BICD2: variants seen among roughly 807,000 people sequenced by gnomAD.
BICD2 encodes the protein BICD cargo adaptor 2.
In BICD2, 25 loss-of-function variants were observed where a neutral mutation model predicts 72.9. That is an observed-to-expected ratio of 0.34 (90% CI 0.25 to 0.48). The LOEUF is 0.48. Ranked by LOEUF, BICD2 falls within the 20% of genes least tolerant of loss-of-function variation. BICD2 has a pLI of 0.99. For synonymous variants in BICD2, 501 were observed against 516.1 expected, an observed-to-expected ratio of 0.97 and a Z score of 0.40; for missense variants, 894 against 1,175.2, an observed-to-expected ratio of 0.76 and a Z score of 3.50.
intron 1 of BICD2, among the ~76,000 whole-genome samples, chr9:92,756,637 C>T (rs1205355592): frequency 1.3e-5 from 2 of 150,850 alleles, no homozygotes; most frequent in Non-Finnish European, 3.0e-5. Context: ...CTTTGGGAGG[C>T]CGAGGCAGGC....
chr9:92,762,905 C>G (rs577732942), intron 1 of BICD2, among the ~76,000 whole-genome samples: 1 of 152,154 alleles, frequency 6.6e-6, no homozygotes, highest in Non-Finnish European at 1.5e-5. Flanking sequence ...GGGTGAGCCC[C>G]GCTACAGGAG....
chr9:92,745,535 G>C (rs2131525739), intron 1 of BICD2, among the ~76,000 whole-genome samples: 1 of 152,242 alleles, frequency 6.6e-6, no homozygotes, highest in Middle Eastern at 3.4e-3. Context: ...GCCTTGGGCT[G>C]CCGTCAGCAC....
intron 1 of BICD2, among the ~76,000 whole-genome samples, chr9:92,746,902 T>C (rs796243660): frequency 3.8e-4 from 58 of 152,292 alleles, no homozygotes; most frequent in African/African-American, 1.3e-3. Flanking sequence ...AGGCAAATCA[T>C]ACCTCAATTT....
Position 92,718,671 on chromosome 9 carries a change from A to C in BICD2, c.1974T>G (p.Ser658=), listed in dbSNP as rs2131499722. 1.2e-6 allele frequency: 2 copies of C among 1,614,034 alleles called. No individual in the cohort carries two copies. The highest frequency in any genetic ancestry group is 1.7e-6 in the Non-Finnish European group (2 of 1,179,992). Residue 658 remains serine, a synonymous_variant, in exon 5 of 7, where the codon TCT becomes TCG. Transcript: ENST00000356884. ...TGTCCACGGCGGGGCCCAGCTCCTG[A>C]GAGGCAATGCGCTGGCGTGACAGCT... is the stretch of plus-strand genomic sequence containing the variant. ...TTELSRQRIA[S]QELGPAVDKD...
chr9:92,743,246 G>A lies in BICD2; in HGVS notation c.241-14010C>T, dbSNP rs372989691. Among the ~76,000 whole-genome samples the A allele has an allele frequency of 3.3e-5, 5 of 152,080 alleles. No homozygotes were observed. In the East Asian group the frequency reaches 9.7e-4, roughly 29 times the overall value. ...CTCACTCTGTCACCCAGACTGGAGTGTAGTGGTGAGATCACAGCTCCCTTC... is the reference window on the plus strand; with the variant it reads ...CTCACTCTGTCACCCAGACTGGAGTATAGTGGTGAGATCACAGCTCCCTTC... On this transcript the variant is annotated intron_variant, in intron 1 of 6. Coordinates refer to ENST00000356884, the MANE Select transcript of BICD2 (RefSeq NM_001003800.2).
intron 2 of BICD2, among the ~76,000 whole-genome samples, chr9:92,728,726 C>T (rs182281412): frequency 7.9e-5 from 12 of 152,368 alleles, no homozygotes; most frequent in African/African-American, 2.6e-4. Flanking sequence ...GGGCTAACTG[C>T]ACCCCTCCCT....
intron 1 of BICD2, among the ~76,000 whole-genome samples, chr9:92,737,435 G>A (rs1853811043): frequency 6.6e-6 from 1 of 152,134 alleles, no homozygotes; most frequent in Admixed American, 6.5e-5. Context: ...CTCAGGATGT[G>A]GTTGAGGCTA....
At chr9:92,730,157 G>A (rs993709533) in intron 1 of BICD2, among the ~76,000 whole-genome samples, 3 of 152,162 alleles carry the variant, frequency 2.0e-5, no homozygotes, top group Non-Finnish European at 4.4e-5. Context: ...GAGGGCAGAC[G>A]GGCCGCAGTG....
chr9:92,720,247 C>CA lies in BICD2; in HGVS notation c.1062+52_1062+53insT. 2 of 1,525,136 alleles carry CA rather than the reference C, an allele frequency of 1.3e-6. No individual in the cohort carries two copies. The highest frequency in any genetic ancestry group is 1.8e-6 in the Non-Finnish European group (2 of 1,130,112). 94.5% of individuals were successfully genotyped at this position (1,525,136 alleles called of 1,614,324 possible). On this transcript the variant is annotated intron_variant, in intron 4 of 6. Transcript: ENST00000356884. This position sits in a 1 kb window ranked among gnomAD's most constrained non-coding sequence, Gnocchi z 5.4. ...TGTCAGGTAAGCACTGCTCGGGGAG[C>CA]CCTGCAGACCTGGAGTGGGGACAGC...
At position 92,713,795 on chromosome 9, in the gene BICD2, T is replaced by C. The variant is rs1853243453; in HGVS notation, c.*1359A>G. On this transcript the variant is annotated 3_prime_UTR_variant, in exon 7 of 7. Coordinates refer to ENST00000356884, the MANE Select transcript of BICD2 (RefSeq NM_001003800.2). ...ACATACATGGGCGTGTCCTGGAGTC[T>C]GGAGGGGACCGAAACATACTCGGCA... 7 of 1,177,372 alleles carry C rather than the reference T, an allele frequency of 5.9e-6. No homozygotes were observed. Among genetic ancestry groups the C allele is most frequent in the Non-Finnish European group, 7.4e-6 (7 of 943,444 alleles). 72.9% of individuals were successfully genotyped at this position (1,177,372 alleles called of 1,614,324 possible).
At chr9:92,731,331 C>G (rs575624596) in intron 1 of BICD2, among the ~76,000 whole-genome samples, 9 of 152,304 alleles carry the variant, frequency 5.9e-5, no homozygotes, top group Admixed American at 5.2e-4. Flanking sequence ...GGCCTGAGCC[C>G]TGGATCTTTT....
chr9:92,757,312 C>CAAAAAAAAAA lies in BICD2; in HGVS notation c.240+7183_240+7192dup, dbSNP rs1169381290. 3.8e-3 allele frequency among the ~76,000 whole-genome samples: 201 copies of CAAAAAAAAAA among 52,736 alleles called. 1 individual carries two copies. The highest frequency in any genetic ancestry group is 6.1e-3 in the Non-Finnish European group (172 of 28,060). 34.6% of individuals were successfully genotyped at this position (52,736 alleles called of 152,430 possible). ...CTGGGCGACAGAACGAGACTGTCTC[C>CAAAAAAAAAA]AAAAAAAAAAAAAAAAAAAAAAAAA... On this transcript the variant is annotated intron_variant, in intron 1 of 6. Coordinates refer to ENST00000356884, the MANE Select transcript of BICD2 (RefSeq NM_001003800.2).
Position 92,718,559 on chromosome 9 carries a change from C to T in BICD2, c.2086G>A (p.Val696Met). 1 of 1,611,702 alleles carries T rather than the reference C, an allele frequency of 6.2e-7. No individual in the cohort carries two copies. The highest frequency in any genetic ancestry group is 8.5e-7 in the Non-Finnish European group (1 of 1,179,130). Residue 696 changes from valine (V) to methionine (M), a missense_variant, in exon 5 of 7, where the codon GTG becomes ATG. Transcript: ENST00000356884. ...CTCACCTGCTTGTTGGCCTTGAGCA[C>T]AGTGCGCAGCGTGGTGATCTGCTCC... ...KREQITTLRTVLKANKQTAEV... is the reference protein window; with the variant it reads ...KREQITTLRTMLKANKQTAEV...
intron 6 of BICD2, among the ~76,000 whole-genome samples, chr9:92,715,753 C>T (rs1853298080): frequency 6.6e-6 from 1 of 152,222 alleles, no homozygotes; most frequent in South Asian, 2.1e-4. Flanking sequence ...GGCTGCTTTG[C>T]TCTTTCAGCT....
In BICD2 at chr9:92,734,035, G is replaced by A. The variant is rs187105813; in HGVS notation, c.241-4799C>T. On this transcript the variant is annotated intron_variant, in intron 1 of 6. Transcript: ENST00000356884. ...CAGGAGAAAGATAAACAGTGACTATGTAACTATTTACATAATACTATATAG... is the reference window on the plus strand; with the variant it reads ...CAGGAGAAAGATAAACAGTGACTATATAACTATTTACATAATACTATATAG... Among the ~76,000 whole-genome samples the A allele has an allele frequency of 5.8e-4, 88 of 151,890 alleles. 5 individuals carry two copies. In the East Asian group the frequency reaches 0.014, roughly 25 times the overall value.
At chr9:92,737,061 T>A (rs1316441646) in intron 1 of BICD2, among the ~76,000 whole-genome samples, 1 of 145,122 alleles carries the variant, frequency 6.9e-6, no homozygotes, top group Non-Finnish European at 1.5e-5. Context: ...CACGGGCCCA[T>A]CTGTGCCCAC....
chr9:92,735,084 G>A (rs1445263601), intron 1 of BICD2, among the ~76,000 whole-genome samples: 2 of 152,212 alleles, frequency 1.3e-5, no homozygotes, highest in Non-Finnish European at 2.9e-5. Context: ...TCTACCCACT[G>A]CTCTGAAGCT....
Position 92,718,585 on chromosome 9 carries a change from C to T in BICD2, c.2060G>A (p.Arg687Gln), listed in dbSNP as rs968594030. The T allele has an allele frequency of 3.7e-6, 6 of 1,613,452 alleles. No homozygotes were observed. The highest frequency in any genetic ancestry group is 2.2e-5 in the East Asian group (1 of 44,872). ...AGTGCGCAGCGTGGTGATCTGCTCCCGCTTGGTGCTGAGCAGCGACTTCAG... is the reference window on the plus strand; with the variant it reads ...AGTGCGCAGCGTGGTGATCTGCTCCTGCTTGGTGCTGAGCAGCGACTTCAG... ...LKLKSLLSTK[R>Q]EQITTLRTVL... Residue 687 changes from arginine (R) to glutamine (Q), a missense_variant, in exon 5 of 7, where the codon CGG (arginine) becomes CAG (glutamine). Physicochemically the swap from Arg to Gln is conservative, Grantham distance 43. This residue lies in a region of BICD2 where 321 missense variants were observed against 443.9 expected (regional missense o/e 0.72). Transcript: ENST00000356884.
intron 1 of BICD2, among the ~76,000 whole-genome samples, chr9:92,756,108 G>A (rs980644709): frequency 1.3e-5 from 2 of 152,168 alleles, no homozygotes; most frequent in African/African-American, 2.4e-5. Flanking sequence ...AGAAGGGCTT[G>A]GCATCTACAC....
Sources: gnomAD v4.1 joint callset for allele counts (sites outside exome capture counted in the v4.1 genomes callset) on GRCh38, gnomAD v4.1.1 for gene constraint, gnomAD v4.1.1 regional missense constraint, Gnocchi (gnomAD v3.1) non-coding constraint, MANE v1.5 for transcripts, NCBI Gene and HGNC (gene_info 2026-07-23, HGNC 2026-07-21) for gene names.